Variants in EPHA5 observed in about 807,000 individuals in gnomAD.
EPHA5 encodes the protein EPH receptor A5.
In EPHA5, 60 loss-of-function variants were observed where a neutral mutation model predicts 105.0. That is an observed-to-expected ratio of 0.57 (90% confidence interval 0.46 to 0.71). The LOEUF (loss-of-function observed/expected upper bound fraction) is 0.71, where lower values mean the gene tolerates loss of function less well. Ranked by LOEUF, EPHA5 falls within the 30% of genes least tolerant of loss-of-function variation. The pLI, the probability that EPHA5 is intolerant of heterozygous loss-of-function variation, is 0.00. For missense variants in EPHA5, 1,218 were observed against 1,274.7 expected, an observed-to-expected ratio of 0.96 and a Z score of 0.68; for synonymous variants, 513 against 449.1, an observed-to-expected ratio of 1.14 and a Z score of -1.80.
At chr4:65,385,406 C>T (rs948233307) in intron 8 of EPHA5, among the ~76,000 whole-genome samples, 9 of 151,770 alleles carry the variant, frequency 5.9e-5, no homozygotes, top group South Asian at 2.1e-4. Flanking sequence ...AAAGTAATTG[C>T]GGCAATATAC....
chr4:65,560,883 G>A (rs1560698288), intron 3 of EPHA5, among the ~76,000 whole-genome samples: 5 of 151,942 alleles, frequency 3.3e-5, no homozygotes, highest in Admixed American at 3.3e-4. Flanking sequence ...CAGTGATTTT[G>A]TTTTTGTTAA....
chr4:65,574,631 T>TATATATATATATATATATATACAC (rs1740630201), intron 3 of EPHA5, among the ~76,000 whole-genome samples: 2 of 81,672 alleles, frequency 2.4e-5, no homozygotes, highest in Non-Finnish European at 5.6e-5. Context: ...TATATACACA[T>TATATATATATATATATATATACAC]ATATATATAC....
intron 5 of EPHA5, among the ~76,000 whole-genome samples, chr4:65,469,882 C>T (rs956045988): frequency 2.0e-5 from 3 of 151,986 alleles, no homozygotes; most frequent in Non-Finnish European, 2.9e-5. Flanking sequence ...AACATGTATA[C>T]ACTACTGTGT....
intron 5 of EPHA5, among the ~76,000 whole-genome samples, chr4:65,473,745 T>C (rs1023808402): frequency 1.3e-5 from 2 of 152,144 alleles, no homozygotes; most frequent in African/African-American, 4.8e-5. Flanking sequence ...TATGTAATGC[T>C]GAGGTTTAGG....
chr4:65,581,910 C>A (rs565940230), intron 3 of EPHA5, among the ~76,000 whole-genome samples: 1 of 151,642 alleles, frequency 6.6e-6, no homozygotes, highest in Non-Finnish European at 1.5e-5. Context: ...AAGTAATTTA[C>A]TTTAACAAAG....
At chr4:65,667,638 A>G (rs1259123049) in intron 1 of EPHA5, among the ~76,000 whole-genome samples, 1 of 151,958 alleles carries the variant, frequency 6.6e-6, no homozygotes, top group Non-Finnish European at 1.5e-5. Context: ...GACCGGCGCT[A>G]TTTCTCCTTC....
chr4:65,393,854 A>G (rs368492348), intron 8 of EPHA5, among the ~76,000 whole-genome samples: 1 of 152,230 alleles, frequency 6.6e-6, no homozygotes, highest in East Asian at 1.9e-4. Context: ...TTTGAAGCAC[A>G]TTTTTAATAG....
intron 3 of EPHA5, among the ~76,000 whole-genome samples, chr4:65,528,462 GA>G (rs897219546): frequency 4.0e-5 from 6 of 150,444 alleles, no homozygotes; most frequent in African/African-American, 9.7e-5. Flanking sequence ...ATCCTTAAGA[GA>G]AAAAAAAAGT....
intron 5 of EPHA5, among the ~76,000 whole-genome samples, chr4:65,440,270 G>A (rs950065436): frequency 1.3e-4 from 19 of 151,622 alleles, no homozygotes; most frequent in Non-Finnish European, 5.9e-5. Context: ...AGGTATTCTC[G>A]GCTTTTATGA....
At chr4:65,660,070 A>G (rs1302837712) in intron 1 of EPHA5, among the ~76,000 whole-genome samples, 1 of 152,108 alleles carries the variant, frequency 6.6e-6, no homozygotes, top group African/African-American at 2.4e-5. Flanking sequence ...TTATACATAT[A>G]CGTGTGTGTG....
intron 8 of EPHA5, among the ~76,000 whole-genome samples, chr4:65,380,680 C>T (rs1298679700): frequency 1.3e-5 from 2 of 151,566 alleles, no homozygotes; most frequent in African/African-American, 4.8e-5. Context: ...TTACTTGTAA[C>T]AAAGGAAGAA....
chr4:65,650,012 A>T (rs1221088525), intron 1 of EPHA5, among the ~76,000 whole-genome samples: 3 of 152,086 alleles, frequency 2.0e-5, no homozygotes, highest in African/African-American at 7.2e-5. Flanking sequence ...TTAACAAATG[A>T]TATTAACAAA....
At chr4:65,476,038 C>A (rs1050798959) in intron 5 of EPHA5, among the ~76,000 whole-genome samples, 1 of 150,980 alleles carries the variant, frequency 6.6e-6, no homozygotes, top group Non-Finnish European at 1.5e-5. Context: ...AATATCAGAA[C>A]TTCCTACAAA....
chr4:65,334,267 A>G (rs1219933156), intron 15 of EPHA5, among the ~76,000 whole-genome samples: 1 of 152,016 alleles, frequency 6.6e-6, no homozygotes, highest in Non-Finnish European at 1.5e-5. Context: ...ATAAAGGTGA[A>G]TAGATGTTGG....
chr4:65,544,416 C>T (rs781103337), intron 3 of EPHA5, among the ~76,000 whole-genome samples: 7 of 151,108 alleles, frequency 4.6e-5, no homozygotes, highest in East Asian at 3.9e-4. Context: ...AGTGGGCATA[C>T]GATATGAACA....
At chr4:65,400,182 T>C (rs1721675598) in intron 8 of EPHA5, among the ~76,000 whole-genome samples, 1 of 152,166 alleles carries the variant, frequency 6.6e-6, no homozygotes. Flanking sequence ...ACAGTAAATA[T>C]AAGAGATAAA....
intron 3 of EPHA5, among the ~76,000 whole-genome samples, chr4:65,555,825 A>G (rs945784284): frequency 1.4e-5 from 2 of 141,104 alleles, no homozygotes; most frequent in Non-Finnish European, 2.9e-5. Context: ...TTCAGGAGAT[A>G]ATATTTTCGA....
chr4:65,431,811 A>T (rs1184227594), intron 5 of EPHA5, among the ~76,000 whole-genome samples: 1 of 152,138 alleles, frequency 6.6e-6, no homozygotes, highest in Admixed American at 6.6e-5. Context: ...CATATTATAC[A>T]ACCTTGAGCA....
chr4:65,535,223 C>T (rs988468540), intron 3 of EPHA5, among the ~76,000 whole-genome samples: 1 of 152,128 alleles, frequency 6.6e-6, no homozygotes, highest in Non-Finnish European at 1.5e-5. Context: ...CATGTAATTG[C>T]TAATGAGACC....
Sources: gnomAD v4.1 joint callset for allele counts (sites outside exome capture counted in the v4.1 genomes callset) on GRCh38, gnomAD v4.1.1 for gene constraint, MANE v1.5 for transcripts, NCBI Gene and HGNC (gene_info 2026-07-23, HGNC 2026-07-21) for gene names.